The following MCTP2 variants were observed in gnomAD, a reference collection of about 807,000 sequenced individuals.
MCTP2 encodes the protein multiple C2 and transmembrane domain-containing protein 2.
A neutral mutation model predicts 111.6 loss-of-function variants in MCTP2; 132 were observed. The observed-to-expected ratio is 1.18, with a 90% CI of 1.03 to 1.37. The LOEUF is 1.37. MCTP2 is among the 40% of genes most tolerant of loss of function. The probability of loss-of-function intolerance (pLI) is 0.00; values close to 1 mark genes in which losing one functional copy is unlikely to be tolerated. For missense variants in MCTP2, 1,183 were observed against 1,067.9 expected (o/e 1.11, Z -1.50); for synonymous variants, 395 against 387.7 (o/e 1.02, Z -0.22).
chr15:94,236,390 T>TTTTC (rs1567237849), intron 1 of MCTP2, among the ~76,000 whole-genome samples: 2 of 139,742 alleles, frequency 1.4e-5, no homozygotes, highest in Non-Finnish European at 3.1e-5. Flanking sequence ...TTTTTTTTTT[T>TTTTC]TTTTTTTTTT....
chr15:94,334,999 A>G (rs1364738264), intron 4 of MCTP2, among the ~76,000 whole-genome samples: 1 of 152,144 alleles, frequency 6.6e-6, no homozygotes, highest in East Asian at 1.9e-4. Flanking sequence ...ATGAAGTTCT[A>G]TGGAAGTACT....
At chr15:94,461,023 G>C (rs1434518499) in intron 20 of MCTP2, among the ~76,000 whole-genome samples, 1 of 146,740 alleles carries the variant, frequency 6.8e-6, no homozygotes, top group Non-Finnish European at 1.5e-5. Flanking sequence ...ATACTGATGG[G>C]TTGGGGGGGA....
rs1251827497 is a variant in MCTP2, at chr15:94,370,192, T to C, written c.1582+12T>C. On this transcript the variant is annotated intron_variant, in intron 12 of 22. Coordinates refer to ENST00000357742, the MANE Select transcript of MCTP2 (RefSeq NM_001385001.1). ...GGCAGATTTCTCAGGTACAGGACAT[T>C]TTCATTTTCTAATTTATCTTTATTT... 6.3e-7 allele frequency: 1 copy of C among 1,584,434 alleles called. No individual in the cohort carries two copies. Among genetic ancestry groups the C allele is most frequent in the South Asian group, 1.2e-5 (1 of 86,910 alleles).
chr15:94,325,219 C>A (rs1172042820), intron 4 of MCTP2, among the ~76,000 whole-genome samples: 1 of 152,066 alleles, frequency 6.6e-6, no homozygotes, highest in Non-Finnish European at 1.5e-5. Flanking sequence ...GCTAGGCTTG[C>A]GGTAGGATTA....
At chr15:94,261,656 G>C (rs1214348445) in intron 1 of MCTP2, among the ~76,000 whole-genome samples, 1 of 152,140 alleles carries the variant, frequency 6.6e-6, no homozygotes, top group Non-Finnish European at 1.5e-5. Flanking sequence ...TTGAAAACCA[G>C]GCATATGTAG....
chr15:94,306,255 T>C (rs2075874760), intron 2 of MCTP2, among the ~76,000 whole-genome samples: 1 of 152,238 alleles, frequency 6.6e-6, no homozygotes, highest in South Asian at 2.1e-4. Context: ...AATATGAAGG[T>C]CTTAGCCCAG....
intron 17 of MCTP2, among the ~76,000 whole-genome samples, chr15:94,424,531 G>A (rs994639190): frequency 1.3e-5 from 2 of 152,160 alleles, no homozygotes; most frequent in Non-Finnish European, 1.5e-5. Context: ...TTTAAATAAC[G>A]CCTCCAGGTG....
At chr15:94,412,054 T>C (rs912124948) in intron 17 of MCTP2, among the ~76,000 whole-genome samples, 1 of 152,140 alleles carries the variant, frequency 6.6e-6, no homozygotes, top group Non-Finnish European at 1.5e-5. Flanking sequence ...GTTTTTAATA[T>C]AGGAAAGATG....
At chr15:94,460,899 C>G (rs1378313316) in intron 20 of MCTP2, among the ~76,000 whole-genome samples, 1 of 152,204 alleles carries the variant, frequency 6.6e-6, no homozygotes, top group Non-Finnish European at 1.5e-5. Context: ...GTGTGTAATT[C>G]TGTTGGAATT....
chr15:94,433,353 G>C (rs531424509), intron 17 of MCTP2, among the ~76,000 whole-genome samples: 4 of 152,220 alleles, frequency 2.6e-5, no homozygotes, highest in African/African-American at 9.6e-5. Flanking sequence ...ACACCTACTG[G>C]TCGCTGCTGC....
rs537769098 is a variant in MCTP2, at chr15:94,469,260, G to A, written c.2361-1073G>A. On this transcript the variant is annotated intron_variant, in intron 20 of 22. Transcript: ENST00000357742. ...AAGACCATTAAGAAGAAATACTCTC[G>A]GCACCTCAGTAGGGCGTTCGATCTC... Among the ~76,000 whole-genome samples the A allele has an allele frequency of 2.0e-5, 3 of 152,166 alleles. No homozygotes were observed. In the South Asian group the frequency reaches 6.2e-4, roughly 32 times the overall value.
chr15:94,292,052 C>T (rs2075056662), intron 1 of MCTP2, among the ~76,000 whole-genome samples: 1 of 151,924 alleles, frequency 6.6e-6, no homozygotes, highest in Non-Finnish European at 1.5e-5. Flanking sequence ...AAAAGTAAGA[C>T]CAAATTAAAC....
At chr15:94,422,063 C>T (rs1284651646) in intron 17 of MCTP2, among the ~76,000 whole-genome samples, 1 of 152,066 alleles carries the variant, frequency 6.6e-6, no homozygotes, top group East Asian at 1.9e-4. Flanking sequence ...GCTGGGAGGA[C>T]AGCAATTAGA....
intron 17 of MCTP2, chr15:94,402,971 A>G: frequency 9.9e-7 from 1 of 1,009,114 alleles, no homozygotes; most frequent in Non-Finnish European, 1.2e-6. Context: ...GCCAACAGGC[A>G]TAGCCTCATA....
At chr15:94,393,506 T>C (rs2081108540) in intron 14 of MCTP2, among the ~76,000 whole-genome samples, 1 of 152,122 alleles carries the variant, frequency 6.6e-6, no homozygotes, top group Admixed American at 6.6e-5. Context: ...TGTAACAAAC[T>C]TCATTAAAAA....
In MCTP2 at chr15:94,470,085, C is replaced by G. The variant is rs1363553050; in HGVS notation, c.2361-248C>G. Among the ~76,000 whole-genome samples the G allele has an allele frequency of 2.0e-5, 3 of 152,186 alleles. No homozygotes were observed. In the East Asian group the frequency reaches 5.8e-4, roughly 29 times the overall value. ...AAAGTCTTCTCTGGAACTATGGGTT[C>G]CAGGGAGGTAAAGTCACCAATATTC... On this transcript the variant is annotated intron_variant, in intron 20 of 22. Transcript: ENST00000357742.
intron 2 of MCTP2, among the ~76,000 whole-genome samples, chr15:94,299,037 C>A (rs927753710): frequency 7.6e-6 from 1 of 132,086 alleles, no homozygotes; most frequent in Non-Finnish European, 1.6e-5. Context: ...CTCCCTCCCC[C>A]TCCCCCTTCC....
At position 94,333,411 on chromosome 15, in the gene MCTP2, C is replaced by CT. The variant is rs921987166; in HGVS notation, c.638-5871dup. On this transcript the variant is annotated intron_variant, in intron 4 of 22. Transcript: ENST00000357742. ...GGGAATATTTTTTCTTTTTTAAAAA[C>CT]TTTTTTTTAAAAACCATTGCCATGA... Among the ~76,000 whole-genome samples, 7 of 151,596 alleles carry CT rather than the reference C, an allele frequency of 4.6e-5. No individual in the cohort carries two copies. In the South Asian group the frequency reaches 1.0e-3, roughly 23 times the overall value.
chr15:94,397,395 C>T (rs1375622637), intron 14 of MCTP2, among the ~76,000 whole-genome samples: 1 of 152,232 alleles, frequency 6.6e-6, no homozygotes, highest in Non-Finnish European at 1.5e-5. Context: ...AGTACAATGA[C>T]TGTGCGTTGA....
Sources: gnomAD v4.1 joint callset for allele counts (sites outside exome capture counted in the v4.1 genomes callset) on GRCh38, gnomAD v4.1.1 for gene constraint, MANE v1.5 for transcripts, NCBI Gene and HGNC (gene_info 2026-07-23, HGNC 2026-07-21) for gene names.